The following PCNX1 variants were observed in gnomAD, a reference collection of about 807,000 sequenced individuals.
The protein encoded by PCNX1 is pecanex 1.
PCNX1 carries 78 observed loss-of-function variants against 242.2 expected under a neutral mutation model. That is an observed-to-expected ratio of 0.32 (90% CI 0.27 to 0.39). The LOEUF (loss-of-function observed/expected upper bound fraction) is 0.39. Ranked by LOEUF, PCNX1 falls within the 10% of genes least tolerant of loss-of-function variation. The pLI is 1.00. For synonymous variants in PCNX1, 1,024 were observed against 1,032.9 expected (o/e 0.99, Z 0.17); for missense variants, 2,581 against 2,856.5 (o/e 0.90, Z 2.20).
intron 16 of PCNX1, chr14:71,031,562 C>T: frequency 2.2e-6 from 1 of 462,414 alleles, no homozygotes; most frequent in East Asian, 4.5e-5. Flanking sequence ...CTTCAACAAC[C>T]TCCTGAGACA....
chr14:71,105,223 A>G lies in PCNX1; in HGVS notation c.6096-12A>G, dbSNP rs1369703925. On this transcript the variant is annotated splice_polypyrimidine_tract_variant and intron_variant, in intron 32 of 35. Transcript: ENST00000304743. ...TTGGAATAATGCTTCCTACTCTGGTATTTGTTCCTAGGCTTAGGAAAGGTT... is the reference window on the plus strand; with the variant it reads ...TTGGAATAATGCTTCCTACTCTGGTGTTTGTTCCTAGGCTTAGGAAAGGTT... The G allele has an allele frequency of 6.2e-7, 1 of 1,605,072 alleles. No homozygotes were observed. Among genetic ancestry groups the G allele is most frequent in the Non-Finnish European group, 8.5e-7 (1 of 1,171,936 alleles).
At chr14:71,089,718 G>T (rs1020133541) in intron 30 of PCNX1, among the ~76,000 whole-genome samples, 1 of 152,156 alleles carries the variant, frequency 6.6e-6, no homozygotes, top group African/African-American at 2.4e-5. Flanking sequence ...TCCAGGACAC[G>T]TGGGGATTAT....
chr14:71,021,149 T>C (rs1358066452), intron 12 of PCNX1, among the ~76,000 whole-genome samples: 1 of 152,198 alleles, frequency 6.6e-6, no homozygotes, highest in African/African-American at 2.4e-5. Context: ...TACCATGCTG[T>C]TTTGGTTACT....
At chr14:70,914,954 C>T (rs2526873) in intron 1 of PCNX1, among the ~76,000 whole-genome samples, 67,251 of 151,804 alleles carry the variant, frequency 0.44, 16,288 homozygotes, top group Non-Finnish European at 0.55. Flanking sequence ...GTCCTCTCAT[C>T]CTTGTTCTGA....
At chr14:70,946,823 A>G in intron 1 of PCNX1, 92 bp from the exon 2 acceptor site, 4 of 936,700 alleles carry the variant, frequency 4.3e-6, no homozygotes, top group Non-Finnish European at 6.4e-6. Flanking sequence ...CTTTGTGTGT[A>G]AATGTGTTTA....
intron 5 of PCNX1, among the ~76,000 whole-genome samples, chr14:70,971,248 C>T (rs2058534689): frequency 2.0e-5 from 1 of 50,176 alleles, no homozygotes; most frequent in South Asian, 1.0e-3. Context: ...GGGTTCACGC[C>T]ATTCTCCTGC....
chr14:70,931,950 C>T (rs1303494838), intron 1 of PCNX1, among the ~76,000 whole-genome samples: 1 of 152,128 alleles, frequency 6.6e-6, no homozygotes, highest in African/African-American at 2.4e-5. Context: ...GTGGATAAAC[C>T]CTGTCTCTAC....
intron 23 of PCNX1, among the ~76,000 whole-genome samples, chr14:71,051,191 A>C (rs2061023258): frequency 1.3e-5 from 2 of 150,598 alleles, no homozygotes; most frequent in Non-Finnish European, 3.0e-5. Flanking sequence ...AAAAAAAAAA[A>C]AAAAAAATCA....
At chr14:71,109,716 A>G in intron 35 of PCNX1, 79 bp from the exon 36 acceptor site, 1 of 1,564,488 alleles carries the variant, frequency 6.4e-7, no homozygotes. Flanking sequence ...TGCTACTACT[A>G]ATCCTAGGTA....
At chr14:70,920,995 T>C (rs1158569466) in intron 1 of PCNX1, among the ~76,000 whole-genome samples, 1 of 152,192 alleles carries the variant, frequency 6.6e-6, no homozygotes, top group Non-Finnish European at 1.5e-5. Context: ...GATTGTTCCT[T>C]AAAAGAATGT....
chr14:71,068,591 C>CGCGTGTGTGT (rs1555373196), intron 26 of PCNX1, among the ~76,000 whole-genome samples: 1 of 124,032 alleles, frequency 8.1e-6, no homozygotes, highest in Admixed American at 9.0e-5. Context: ...TATGTACGTG[C>CGCGTGTGTGT]GTGTGTGTGT....
chr14:70,957,127 C>T (rs2058026659), intron 2 of PCNX1, among the ~76,000 whole-genome samples: 1 of 152,022 alleles, frequency 6.6e-6, no homozygotes, highest in Admixed American at 6.6e-5. Context: ...TCTTGAGTTG[C>T]TGGGAGTACA....
At position 71,026,272 on chromosome 14, in the gene PCNX1, C is replaced by A; in HGVS notation, c.3339C>A (p.Ala1113=). 1 of 1,600,762 alleles carries A rather than the reference C, an allele frequency of 6.2e-7. No homozygotes were observed. The highest frequency in any genetic ancestry group is 8.5e-7 in the Non-Finnish European group (1 of 1,172,480). ...CCAATCCACTGGTGTTTATATCAGC[C>A]AGGGATTTAGTTATAGGTGAGTCAT... ...TFTNPLVFIS[A]RDLVIVFTLC... Residue 1113 remains alanine (A), a synonymous_variant, in exon 14 of 36, where the codon GCC becomes GCA. Transcript: ENST00000304743.
intron 15 of PCNX1, among the ~76,000 whole-genome samples, chr14:71,028,204 G>A (rs534422203): frequency 6.6e-6 from 1 of 151,728 alleles, no homozygotes; most frequent in Admixed American, 6.6e-5. Flanking sequence ...TAGATCTAAA[G>A]TATCTATTTT....
chr14:71,101,914 C>T, intron 30 of PCNX1, 76 bp from the exon 31 acceptor site: 1 of 757,456 alleles, frequency 1.3e-6, no homozygotes. Context: ...TTTTTAAGAA[C>T]TTTCACTTAG....
At chr14:70,979,613 CT>C (rs887669795) in intron 6 of PCNX1, among the ~76,000 whole-genome samples, 2 of 152,074 alleles carry the variant, frequency 1.3e-5, no homozygotes, top group African/African-American at 4.8e-5. Flanking sequence ...AAGTTATAGT[CT>C]GTTTGATACA....
chr14:70,962,402 T>C, intron 3 of PCNX1, 71 bp downstream of exon 3: 1 of 785,254 alleles, frequency 1.3e-6, no homozygotes, highest in Non-Finnish European at 2.3e-6. Context: ...TTCTCGTGTC[T>C]TTAAGTCGGC....
intron 26 of PCNX1, 76 bp downstream of exon 26, chr14:71,057,800 C>A (rs1474637442): frequency 1.0e-6 from 1 of 966,664 alleles, no homozygotes; most frequent in Non-Finnish European, 1.6e-6. Context: ...CTATCTCAAA[C>A]CAGAAGTTGT....
intron 16 of PCNX1, chr14:71,031,817 G>A (rs1004319251): frequency 2.0e-6 from 3 of 1,486,698 alleles, no homozygotes; most frequent in African/African-American, 1.4e-5. Flanking sequence ...TTGGCAGCGA[G>A]GAGAGGGATG....
Sources: gnomAD v4.1 joint callset for allele counts (sites outside exome capture counted in the v4.1 genomes callset) on GRCh38, gnomAD v4.1.1 for gene constraint, MANE v1.5 for transcripts, NCBI Gene and HGNC (gene_info 2026-07-23, HGNC 2026-07-21) for gene names.